HAVCR1: variants seen among roughly 807,000 people sequenced by gnomAD.
HAVCR1 encodes the protein hepatitis A virus cellular receptor 1, also known as T cell immunoglobin domain and mucin domain protein 1.
Under a neutral mutation model 32.0 loss-of-function variants are expected in HAVCR1, and 34 were observed. The ratio of observed to expected loss-of-function variants is 1.06; its 90% CI spans 0.81 to 1.42. HAVCR1 has a LOEUF of 1.42. Among genes scored for constraint, HAVCR1 ranks in the 40% most tolerant of loss-of-function variants. The probability of loss-of-function intolerance (pLI) is 0.00; values close to 1 mark genes in which losing one functional copy is unlikely to be tolerated. For missense variants in HAVCR1, 420 were observed against 442.3 expected (o/e 0.95, Z 0.45); for synonymous variants, 178 against 170.3 (o/e 1.05, Z -0.35).
chr5:157,036,879 G>A (rs2113503745), intron 7 of HAVCR1, among the ~76,000 whole-genome samples: 1 of 148,008 alleles, frequency 6.8e-6, no homozygotes, highest in South Asian at 2.2e-4. Context: ...GTTTTGTTTT[G>A]CTTTTTTGTT....
chr5:157,041,781 G>GGGCGC (rs1378254647), intron 6 of HAVCR1, among the ~76,000 whole-genome samples: 6 of 152,054 alleles, frequency 3.9e-5, no homozygotes, highest in Non-Finnish European at 7.4e-5. Context: ...ATTCGGGCCC[G>GGGCGC]GGCGCGGTGG....
At position 157,044,616 on chromosome 5, in the gene HAVCR1, AG is replaced by A. The variant is rs1755218359; in HGVS notation, c.782-1935del. On this transcript the variant is annotated intron_variant, in intron 5 of 8. Coordinates refer to ENST00000523175, the MANE Select transcript of HAVCR1 (RefSeq NM_001173393.3). ...GAAAGAAAGAAAGAAAGAAAGAAAGAGAAAGAAAGAAAGAAAGAAAGAAAGA... is the reference window on the plus strand; with the variant it reads ...GAAAGAAAGAAAGAAAGAAAGAAAGAAAAGAAAGAAAGAAAGAAAGAAAGA... Among the ~76,000 whole-genome samples the A allele has an allele frequency of 2.8e-4, 4 of 14,492 alleles. No individual in the cohort carries two copies. The South Asian group carries it at 9.1e-3, about 33-fold the overall frequency. The allele number at this position is 14,492 out of a possible 152,430, so 9.5% of individuals were successfully genotyped here.
chr5:157,057,374 G>A (rs1199889613), intron 2 of HAVCR1, among the ~76,000 whole-genome samples: 1 of 140,856 alleles, frequency 7.1e-6, no homozygotes, highest in African/African-American at 2.7e-5. Context: ...GAGAGAGAGA[G>A]AGAGAGAGAG....
the HAVCR1 span, among the ~76,000 whole-genome samples, chr5:157,065,550 C>A: frequency 6.6e-6 from 1 of 152,202 alleles, no homozygotes; most frequent in African/African-American, 2.4e-5. Flanking sequence ...GAAACACCAT[C>A]TCTACATAAG....
chr5:157,039,509 C>T (rs969071378), intron 6 of HAVCR1, among the ~76,000 whole-genome samples: 4 of 152,114 alleles, frequency 2.6e-5, no homozygotes, highest in Non-Finnish European at 4.4e-5. Context: ...CCACCACACC[C>T]AGCTAATTTT....
intron 7 of HAVCR1, among the ~76,000 whole-genome samples, chr5:157,035,955 C>G (rs890272935): frequency 6.6e-6 from 1 of 152,116 alleles, no homozygotes; most frequent in Non-Finnish European, 1.5e-5. Flanking sequence ...TGTGCAAATA[C>G]TACACCATTT....
intron 6 of HAVCR1, among the ~76,000 whole-genome samples, chr5:157,040,591 A>G (rs544711551): frequency 6.6e-6 from 1 of 152,260 alleles, no homozygotes; most frequent in South Asian, 2.1e-4. Flanking sequence ...ATTTCTTACA[A>G]CTGGCTATCA....
chr5:157,034,109 G>GC (rs1238957497), intron 7 of HAVCR1, among the ~76,000 whole-genome samples: 1 of 152,098 alleles, frequency 6.6e-6, no homozygotes, highest in Non-Finnish European at 1.5e-5. Flanking sequence ...AGAGCAGTGG[G>GC]CCCAAGGGAC....
chr5:157,057,444 AAAGAAAG>A (rs1467445751), intron 2 of HAVCR1, among the ~76,000 whole-genome samples: 6 of 143,004 alleles, frequency 4.2e-5, no homozygotes, highest in African/African-American at 1.5e-4. Flanking sequence ...AGAAAGAAAG[AAAGAAAG>A]AAAGAAAGAA....
intron 5 of HAVCR1, among the ~76,000 whole-genome samples, chr5:157,044,421 G>GAAGGAGAAAGAAA (rs1554090350): frequency 1.5e-4 from 5 of 33,770 alleles, no homozygotes; most frequent in African/African-American, 3.8e-4. Context: ...AGGAAGGAAG[G>GAAGGAGAAAGAAA]AGAAAGAAAG....
the HAVCR1 span, among the ~76,000 whole-genome samples, chr5:157,066,333 ACACTTT>A: frequency 6.6e-6 from 1 of 151,966 alleles, no homozygotes; most frequent in Admixed American, 6.6e-5. Flanking sequence ...AATACAGGAA[ACACTTT>A]CAAGGAGTTT....
intron 2 of HAVCR1, among the ~76,000 whole-genome samples, chr5:157,057,405 A>AAGAAAGAAAGAAAGAG (rs1756246840): frequency 2.9e-5 from 3 of 103,144 alleles, no homozygotes; most frequent in African/African-American, 1.0e-4. Flanking sequence ...GAAAGAAAGA[A>AAGAAAGAAAGAAAGAG]AGAAAGAAAG....
chr5:157,055,430 G>A lies in HAVCR1; in HGVS notation c.150C>T (p.Gly50=), dbSNP rs61734029. 3.0e-3 allele frequency: 4,795 copies of A among 1,606,620 alleles called. 113 individuals are homozygous for A. The African/African-American group carries it at 0.055, about 19-fold the overall frequency. Reference sequence around the variant, plus strand: ...TTTGGCATGTGAATAGAGAACATGAGCCTCTATTCCAGCACATGGATGTGA... The same window carrying A: ...TTTGGCATGTGAATAGAGAACATGAACCTCTATTCCAGCACATGGATGTGA... The part of the protein sequence containing the change: ...GAVTSMCWNR[G]SCSLFTCQNG... Residue 50 remains glycine (G), a synonymous_variant, in exon 3 of 9, where the codon GGC becomes GGT. Coordinates refer to ENST00000523175, the MANE Select transcript of HAVCR1 (RefSeq NM_001173393.3).
At position 157,042,669 on chromosome 5, in the gene HAVCR1, G is replaced by C. The variant is rs771728090; in HGVS notation, c.795C>G (p.Thr265=). 1.3e-6 allele frequency: 2 copies of C among 1,586,410 alleles called. No individual in the cohort carries two copies. The highest frequency in any genetic ancestry group is 1.3e-5 in the African/African-American group (1 of 74,436). The change falls in exon 6 of 9, where the codon ACC becomes ACG. Residue 265 remains threonine, a synonymous_variant. Coordinates refer to ENST00000523175, the MANE Select transcript of HAVCR1 (RefSeq NM_001173393.3). ...AAAGGCCATCTGAAGACTCTGTCAC[G>C]GTGTCATTCCCATCTACTCAACAAG... ...LYSYTTDGND[T]VTESSDGLWN...
At chr5:157,036,917 G>T (rs72805150) in intron 7 of HAVCR1, among the ~76,000 whole-genome samples, 4,837 of 141,300 alleles carry the variant, frequency 0.034, 85 homozygotes, top group South Asian at 0.095. Context: ...TAAGAAATGG[G>T]GTCCCACCAT....
upstream of HAVCR1, among the ~76,000 whole-genome samples, chr5:157,062,224 T>C (rs1756505305): frequency 6.6e-6 from 1 of 152,186 alleles, no homozygotes; most frequent in East Asian, 1.9e-4. Context: ...ATTCAGAACA[T>C]GGGCCGGGCA....
rs1754042588 is a variant in HAVCR1 at position 157,029,580 on chromosome 5, G to A, written c.*153C>T. 1.3e-6 allele frequency: 2 copies of A among 1,533,404 alleles called. No homozygotes were observed. Among genetic ancestry groups the A allele is most frequent in the African/African-American group, 2.7e-5 (2 of 73,086 alleles). The allele number at this position is 1,533,404 out of a possible 1,614,324, so 95.0% of individuals were successfully genotyped here. ...TGACTATACACAGTTTGGAGTGAGAGAGTTACTCTACCCAGTATCACTGAC... is the reference window on the plus strand; with the variant it reads ...TGACTATACACAGTTTGGAGTGAGAAAGTTACTCTACCCAGTATCACTGAC... On this transcript the variant is annotated 3_prime_UTR_variant, in exon 9 of 9. Transcript: ENST00000523175.
upstream of HAVCR1, among the ~76,000 whole-genome samples, chr5:157,063,106 A>C (rs1185442142): frequency 1.3e-5 from 2 of 148,692 alleles, no homozygotes; most frequent in African/African-American, 4.9e-5. Context: ...TGGGTGACAG[A>C]GCGAGATTCT....
At chr5:157,051,896 A>T (rs1755760923) in intron 4 of HAVCR1, among the ~76,000 whole-genome samples, 1 of 152,256 alleles carries the variant, frequency 6.6e-6, no homozygotes, top group Non-Finnish European at 1.5e-5. Context: ...GGTGCCTGGT[A>T]GATAGAAAAC....
Sources: gnomAD v4.1 joint callset for allele counts (sites outside exome capture counted in the v4.1 genomes callset) on GRCh38, gnomAD v4.1.1 for gene constraint, MANE v1.5 for transcripts, NCBI Gene and HGNC (gene_info 2026-07-23, HGNC 2026-07-21) for gene names.